The following ADAM10 variants were observed in gnomAD, a reference collection of about 807,000 sequenced individuals.
The protein encoded by ADAM10 is disintegrin and metalloproteinase domain-containing protein 10.
A neutral mutation model predicts 90.1 loss-of-function variants in ADAM10; 17 were observed. That is an observed-to-expected ratio of 0.19 (90% CI 0.13 to 0.28). ADAM10 has a LOEUF of 0.28. Among genes scored for constraint, ADAM10 ranks in the 10% least tolerant of loss-of-function variants. The pLI, the probability that ADAM10 is intolerant of heterozygous loss-of-function variation, is 1.00. For synonymous variants in ADAM10, 310 were observed against 298.6 expected (o/e 1.04, Z -0.40); for missense variants, 610 against 914.3 (o/e 0.67, Z 4.29).
intron 11 of ADAM10, among the ~76,000 whole-genome samples, chr15:58,615,459 CATTT>C (rs1280816913): frequency 2.6e-5 from 4 of 152,040 alleles, no homozygotes; most frequent in Non-Finnish European, 4.4e-5. Context: ...CTTATGTATT[CATTT>C]ATTTGTAGAA....
intron 4 of ADAM10, among the ~76,000 whole-genome samples, chr15:58,668,881 C>T (rs139797377): frequency 1.1e-3 from 165 of 152,248 alleles, no homozygotes; most frequent in Middle Eastern, 3.4e-3. Flanking sequence ...AAACTGCTGG[C>T]TCCCATAACC....
chr15:58,651,468 G>A (rs1896686167), intron 5 of ADAM10, among the ~76,000 whole-genome samples: 1 of 152,016 alleles, frequency 6.6e-6, no homozygotes, highest in South Asian at 2.1e-4. Flanking sequence ...GAGTTAAATT[G>A]TTTTAATTTT....
chr15:58,747,181 T>C (rs1351117098), intron 1 of ADAM10, among the ~76,000 whole-genome samples: 1 of 152,164 alleles, frequency 6.6e-6, no homozygotes, highest in Non-Finnish European at 1.5e-5. Flanking sequence ...TAAAAAAACA[T>C]GGTTTGCTCC....
intron 4 of ADAM10, chr15:58,672,224 G>C (rs1897209134): frequency 6.6e-6 from 1 of 152,222 alleles, no homozygotes; most frequent in African/African-American, 2.4e-5. Flanking sequence ...CCTCCATGGA[G>C]ACAGTGCTGG....
At chr15:58,655,240 G>A (rs796493702) in intron 5 of ADAM10, 60 of 152,464 alleles carry the variant, frequency 3.9e-4, no homozygotes, top group African/African-American at 1.3e-3. Context: ...AACTGAGACT[G>A]AGTAATTTAT....
At chr15:58,719,940 A>G (rs1390629086) in intron 1 of ADAM10, among the ~76,000 whole-genome samples, 4 of 152,174 alleles carry the variant, frequency 2.6e-5, no homozygotes, top group African/African-American at 9.7e-5. Context: ...ATTATCCATC[A>G]TCATCATCTC....
intron 1 of ADAM10, among the ~76,000 whole-genome samples, chr15:58,731,297 A>ATTT (rs1899227872): frequency 6.6e-6 from 1 of 152,172 alleles, no homozygotes; most frequent in Non-Finnish European, 1.5e-5. Flanking sequence ...TATATTAAGT[A>ATTT]TTATAAGAAA....
intron 10 of ADAM10, among the ~76,000 whole-genome samples, chr15:58,621,901 C>T (rs1430260817): frequency 3.3e-5 from 5 of 152,000 alleles, no homozygotes; most frequent in Admixed American, 2.0e-4. Flanking sequence ...TTAGGCCATG[C>T]TACATTGAGC....
rs768456078 is a variant in ADAM10 at position 58,717,775 on chromosome 15, C to T, written c.56-48G>A. 3.8e-6 allele frequency: 6 copies of T among 1,584,374 alleles called. No individual in the cohort carries two copies. The African/African-American group carries it at 8.1e-5, about 21-fold the overall frequency. On this transcript the variant is annotated intron_variant, in intron 1 of 15. Transcript: ENST00000260408. ...TGAATTAGTATCATCTTGAAGACCC[C>T]TTCTAGTTCTAACACGATTATTCAA...
At chr15:58,676,918 G>C (rs1566990791) in intron 4 of ADAM10, among the ~76,000 whole-genome samples, 1 of 152,194 alleles carries the variant, frequency 6.6e-6, no homozygotes. Flanking sequence ...TGGCAGAGCT[G>C]AGTAGCTGCA....
intron 1 of ADAM10, among the ~76,000 whole-genome samples, chr15:58,722,882 C>T (rs1481819771): frequency 1.3e-5 from 2 of 152,018 alleles, no homozygotes; most frequent in Non-Finnish European, 2.9e-5. Flanking sequence ...CAGGCACGCA[C>T]CACTATGCCT....
intron 2 of ADAM10, among the ~76,000 whole-genome samples, chr15:58,697,098 G>A (rs1261126339): frequency 6.6e-6 from 1 of 152,160 alleles, no homozygotes; most frequent in Non-Finnish European, 1.5e-5. Flanking sequence ...GCCCCAAGGA[G>A]GCCTAAGTTA....
At chr15:58,729,958 T>TAAAAAA (rs776357246) in intron 1 of ADAM10, among the ~76,000 whole-genome samples, 26 of 118,454 alleles carry the variant, frequency 2.2e-4, no homozygotes, top group African/African-American at 7.0e-4. Flanking sequence ...CGAGGCTCTG[T>TAAAAAA]AAAAAAAAAC....
intron 2 of ADAM10, among the ~76,000 whole-genome samples, chr15:58,707,852 G>T (rs1294774554): frequency 2.6e-5 from 4 of 152,116 alleles, no homozygotes; most frequent in Non-Finnish European, 5.9e-5. Flanking sequence ...CGAGGCAGGT[G>T]GATCACTTGA....
At chr15:58,732,663 CT>C (rs1899290728) in intron 1 of ADAM10, 1 of 147,534 alleles carries the variant, frequency 6.8e-6, no homozygotes, top group South Asian at 2.1e-4. Flanking sequence ...GAGCCGAGAT[CT>C]TGCTGTTGCA....
intron 4 of ADAM10, chr15:58,673,035 T>A (rs943080421): frequency 1.0e-5 from 2 of 197,384 alleles, no homozygotes; most frequent in Non-Finnish European, 2.2e-5. Flanking sequence ...AGGCTTTGTT[T>A]TTAAACTGTA....
intron 2 of ADAM10, among the ~76,000 whole-genome samples, chr15:58,702,869 A>G (rs1423072590): frequency 6.6e-6 from 1 of 152,216 alleles, no homozygotes; most frequent in Non-Finnish European, 1.5e-5. Context: ...AGTAGAAAGA[A>G]GCCAGAACAA....
At chr15:58,730,681 T>C (rs1263724039) in intron 1 of ADAM10, among the ~76,000 whole-genome samples, 2 of 152,206 alleles carry the variant, frequency 1.3e-5, no homozygotes, top group African/African-American at 4.8e-5. Context: ...CCTAGAGAGC[T>C]GGTAAAGCAT....
At chr15:58,667,405 C>T (rs1897103034) in intron 4 of ADAM10, among the ~76,000 whole-genome samples, 1 of 152,076 alleles carries the variant, frequency 6.6e-6, no homozygotes, top group Non-Finnish European at 1.5e-5. Context: ...TCACTTTTTG[C>T]ACCCTCACTA....
Sources: allele counts gnomAD v4.1 joint callset (sites outside exome capture counted in the v4.1 genomes callset), GRCh38; gene constraint gnomAD v4.1.1; transcripts MANE v1.5; gene names NCBI Gene and HGNC (gene_info 2026-07-23, HGNC 2026-07-21).